The following PRKCB variants were observed in gnomAD, a reference collection of about 807,000 sequenced individuals.
The protein encoded by PRKCB is protein kinase C beta, also known as protein kinase C beta type.
A neutral mutation model predicts 81.5 loss-of-function variants in PRKCB; 13 were observed. The observed-to-expected ratio is 0.16, with a 90% CI of 0.10 to 0.25. PRKCB has a LOEUF of 0.25. Ranked by LOEUF, PRKCB falls within the 10% of genes least tolerant of loss-of-function variation. The probability of loss-of-function intolerance (pLI) is 1.00; values close to 1 mark genes in which losing one functional copy is unlikely to be tolerated. For synonymous variants in PRKCB, 335 were observed against 321.4 expected, an observed-to-expected ratio of 1.04 and a Z score of -0.45; for missense variants, 509 against 875.7, an observed-to-expected ratio of 0.58 and a Z score of 5.29.
chr16:23,906,931 G>A (rs1434076634), intron 2 of PRKCB, among the ~76,000 whole-genome samples: 4 of 152,096 alleles, frequency 2.6e-5, no homozygotes, highest in East Asian at 3.8e-4. Context: ...AAGGATAACC[G>A]CAATTTATTA....
At chr16:24,036,350 C>G (rs1034194771) in intron 5 of PRKCB, among the ~76,000 whole-genome samples, 5 of 152,052 alleles carry the variant, frequency 3.3e-5, no homozygotes, top group Non-Finnish European at 7.4e-5. Context: ...CCATAAGCCC[C>G]GGTATAACCA....
intron 2 of PRKCB, among the ~76,000 whole-genome samples, chr16:23,866,796 G>A (rs1379429987): frequency 6.6e-6 from 1 of 152,208 alleles, no homozygotes; most frequent in African/African-American, 2.4e-5. Context: ...CCCACCAGCA[G>A]TGTGTGTTTC....
intron 2 of PRKCB, among the ~76,000 whole-genome samples, chr16:23,868,398 A>G (rs1254258359): frequency 6.6e-6 from 1 of 152,246 alleles, no homozygotes; most frequent in East Asian, 1.9e-4. Flanking sequence ...TCTCTGGGAC[A>G]TGTACTGGCA....
chr16:24,030,945 TCCCA>T (rs1255471323), intron 3 of PRKCB, among the ~76,000 whole-genome samples: 1 of 150,018 alleles, frequency 6.7e-6, no homozygotes, highest in African/African-American at 2.5e-5. Context: ...GCACCTGTAG[TCCCA>T]GCTACTCAAG....
intron 2 of PRKCB, among the ~76,000 whole-genome samples, chr16:23,895,481 T>G (rs1472234146): frequency 3.3e-5 from 5 of 152,212 alleles, no homozygotes; most frequent in Non-Finnish European, 7.4e-5. Context: ...TTATATCTAC[T>G]GATTTGTCAA....
At chr16:23,957,034 A>C (rs1596486790) in intron 2 of PRKCB, among the ~76,000 whole-genome samples, 1 of 151,190 alleles carries the variant, frequency 6.6e-6, no homozygotes, top group African/African-American at 2.4e-5. Flanking sequence ...TTAGGAGCAT[A>C]CTTCTGTAAC....
intron 5 of PRKCB, among the ~76,000 whole-genome samples, chr16:24,047,495 C>G (rs1965782465): frequency 6.6e-6 from 1 of 151,438 alleles, no homozygotes; most frequent in Admixed American, 6.6e-5. Context: ...CTCGCTACTG[C>G]ACTCTAGGCT....
At chr16:24,148,483 T>G (rs1231426935) in intron 9 of PRKCB, among the ~76,000 whole-genome samples, 2 of 152,216 alleles carry the variant, frequency 1.3e-5, no homozygotes, top group African/African-American at 4.8e-5. Flanking sequence ...CTGAAAGAAT[T>G]GTCTAGTCTT....
intron 2 of PRKCB, among the ~76,000 whole-genome samples, chr16:23,888,804 A>C (rs1347867697): frequency 1.3e-5 from 2 of 152,064 alleles, no homozygotes; most frequent in East Asian, 1.9e-4. Flanking sequence ...TTGAAGTTGC[A>C]AGAGGGCTGG....
intron 7 of PRKCB, among the ~76,000 whole-genome samples, chr16:24,111,562 G>A (rs989922797): frequency 1.3e-5 from 2 of 151,846 alleles, no homozygotes; most frequent in Admixed American, 1.3e-4. Flanking sequence ...TGAGGCAGGA[G>A]GATTGCTTGA....
intron 5 of PRKCB, among the ~76,000 whole-genome samples, chr16:24,060,437 G>A (rs1965958081): frequency 6.6e-6 from 1 of 152,142 alleles, no homozygotes; most frequent in South Asian, 2.1e-4. Context: ...TCTAAGGTAG[G>A]TACCCCTTCC....
intron 2 of PRKCB, among the ~76,000 whole-genome samples, chr16:23,977,959 G>A (rs1239674413): frequency 6.6e-6 from 1 of 152,118 alleles, no homozygotes; most frequent in Non-Finnish European, 1.5e-5. Flanking sequence ...TTTTTAGTAA[G>A]AATTAGGTAT....
At chr16:24,145,160 GC>G (rs1220959568) in intron 9 of PRKCB, among the ~76,000 whole-genome samples, 1 of 152,162 alleles carries the variant, frequency 6.6e-6, no homozygotes, top group Non-Finnish European at 1.5e-5. Context: ...GGCAGGAAGA[GC>G]AAAAGGCAGT....
intron 12 of PRKCB, among the ~76,000 whole-genome samples, chr16:24,177,876 G>A (rs1174496918): frequency 6.6e-6 from 1 of 152,120 alleles, no homozygotes; most frequent in Non-Finnish European, 1.5e-5. Context: ...ATCCTTTGAT[G>A]AATTCCTTTT....
intron 10 of PRKCB, among the ~76,000 whole-genome samples, chr16:24,157,139 G>C (rs1967173234): frequency 6.6e-6 from 1 of 151,980 alleles, no homozygotes; most frequent in African/African-American, 2.4e-5. Flanking sequence ...GTAGGGGCTG[G>C]GTGTACATGG....
chr16:24,170,283 A>G (rs1967421537), intron 10 of PRKCB, among the ~76,000 whole-genome samples: 1 of 152,224 alleles, frequency 6.6e-6, no homozygotes, highest in East Asian at 1.9e-4. Context: ...GAAATAAATA[A>G]CCATCAAGTT....
chr16:24,086,188 A>G (rs966345194), intron 5 of PRKCB, among the ~76,000 whole-genome samples: 5 of 152,166 alleles, frequency 3.3e-5, no homozygotes, highest in Non-Finnish European at 7.3e-5. Flanking sequence ...TAGAAGAAGT[A>G]ATAAGTAAAC....
rs556880220 is a variant in PRKCB, at chr16:24,192,067, A to G, written c.1863+837A>G. On this transcript the variant is annotated intron_variant, in intron 16 of 16. Transcript: ENST00000643927. ...GACTGAGGCTGAAGAGTGAACATAA[A>G]CACCATCATTGAAACCTAACGTTGT... Among the ~76,000 whole-genome samples the G allele has an allele frequency of 2.6e-5, 4 of 152,344 alleles. No individual in the cohort carries two copies. The South Asian group carries it at 8.3e-4, about 32-fold the overall frequency.
intron 8 of PRKCB, among the ~76,000 whole-genome samples, chr16:24,115,813 C>T (rs1325628144): frequency 6.6e-6 from 1 of 151,946 alleles, no homozygotes; most frequent in Non-Finnish European, 1.5e-5. Context: ...GCAAGCTCCA[C>T]CTCCTGGGTT....
Sources: gnomAD v4.1 joint callset for allele counts (sites outside exome capture counted in the v4.1 genomes callset) on GRCh38, gnomAD v4.1.1 for gene constraint, MANE v1.5 for transcripts, NCBI Gene and HGNC (gene_info 2026-07-23, HGNC 2026-07-21) for gene names.